ZNF235: variants seen among roughly 807,000 people sequenced by gnomAD.
ZNF235 encodes zfp-93.
Under a neutral mutation model 29.4 loss-of-function variants are expected in ZNF235, and 25 were observed. The ratio of observed to expected loss-of-function variants is 0.85; its 90% CI spans 0.62 to 1.19. ZNF235 has a LOEUF of 1.19. Ranked by LOEUF, ZNF235 falls within the 50% of genes most tolerant of loss-of-function variation. The pLI, the probability that ZNF235 is intolerant of heterozygous loss-of-function variation, is 0.00. For missense variants in ZNF235, 788 were observed against 885.0 expected (o/e 0.89, Z 1.39); for synonymous variants, 300 against 295.3 (o/e 1.02, Z -0.16).
Position 44,286,923 on chromosome 19 carries a change from A to C in ZNF235, c.*295T>G, listed in dbSNP as rs1008273858. 2 of 302,892 alleles carry C rather than the reference A, an allele frequency of 6.6e-6. No individual in the cohort carries two copies. The highest frequency in any genetic ancestry group is 4.3e-5 in the African/African-American group (2 of 46,310). The allele number at this position is 302,892 out of a possible 1,614,324, so 18.8% of individuals were successfully genotyped here. A position where few individuals can be genotyped will look rare whatever the true frequency, so the allele number is the denominator to read the frequency against. The stretch of plus-strand genomic sequence containing the variant: ...AAAGGAAGGCCTCTCTCCTGTGCAG[A>C]CTCCGACAAGACTTTTCTGCTGTGT... On this transcript the variant is annotated 3_prime_UTR_variant, in exon 5 of 5. Coordinates refer to ENST00000291182, the MANE Select transcript of ZNF235 (RefSeq NM_004234.4).
rs1234446267 is a variant in ZNF235 at position 44,288,617 on chromosome 19, T to C, written c.818A>G (p.Asn273Ser). 2.2e-5 allele frequency: 35 copies of C among 1,614,024 alleles called. No homozygotes were observed. The highest frequency in any genetic ancestry group is 2.7e-5 in the Non-Finnish European group (32 of 1,180,008). The change falls in exon 5 of 5, where the codon AAT (asparagine) becomes AGT (serine). Residue 273 changes from asparagine to serine, a missense_variant. Transcript: ENST00000291182. ...ATGAAGTTCAAGACTGGAGCTATCA[T>C]TGAAGGCTTCTTCACATTCATTACC... ...YQGNECEEAF[N>S]DSSSLELHKQ...
Position 44,288,313 on chromosome 19 carries a change from G to T in ZNF235, c.1122C>A (p.Pro374=). ...CCTTCCCACAACTGTCACATCTATA[G>T]GGCTTCTCTCCTGTGTGAATAGGCA... The part of the protein sequence containing the change: ...AHLPIHTGEK[P]YRCDSCGKGF... The change falls in exon 5 of 5, where the codon CCC becomes CCA. Residue 374 remains proline, a synonymous_variant. Coordinates refer to ENST00000291182, the MANE Select transcript of ZNF235 (RefSeq NM_004234.4). The T allele has an allele frequency of 6.2e-7, 1 of 1,613,854 alleles. No homozygotes were observed. The highest frequency in any genetic ancestry group is 8.5e-7 in the Non-Finnish European group (1 of 1,179,974).
At chr19:44,304,662 C>A (rs988479277) in intron 1 of ZNF235, 12 of 944,116 alleles carry the variant, frequency 1.3e-5, no homozygotes, top group Non-Finnish European at 1.4e-5. Flanking sequence ...CCTTTACAGG[C>A]ACGAGGAAAC....
Position 44,287,789 on chromosome 19 carries a change from C to A in ZNF235, c.1646G>T (p.Gly549Val). ...ATTCAAGCTCCAATTGAAGCGCTTC[C>A]CACACACTTCACATTTGTATGGTTT... ...GEKPYKCEVC[G>V]KRFNWSLNLH... Residue 549 changes from glycine (G) to valine (V), a missense_variant, in exon 5 of 5, where the codon GGG (glycine) becomes GTG (valine). Gly to Val is a moderately radical substitution (Grantham distance 109). Coordinates refer to ENST00000291182, the MANE Select transcript of ZNF235 (RefSeq NM_004234.4). The A allele has an allele frequency of 6.2e-7, 1 of 1,613,946 alleles. No homozygotes were observed. The highest frequency in any genetic ancestry group is 8.5e-7 in the Non-Finnish European group (1 of 1,179,980).
At position 44,287,028 on chromosome 19, in the gene ZNF235, T is replaced by C. The variant is rs1020761234; in HGVS notation, c.*190A>G. 5.2e-6 allele frequency: 3 copies of C among 575,556 alleles called. No individual in the cohort carries two copies. In the African/African-American group the frequency reaches 5.6e-5, roughly 11 times the overall value. 35.7% of individuals were successfully genotyped at this position (575,556 alleles called of 1,614,324 possible). On this transcript the variant is annotated 3_prime_UTR_variant, in exon 5 of 5. Transcript: ENST00000291182. ...ACAGAACAAAGTTTTCTCGCATCTG[T>C]GAAATATGACGTTTGTAAAGAATTC...
intron 2 of ZNF235, 112 bp from the exon 3 acceptor site, chr19:44,299,844 G>C: frequency 6.4e-7 from 1 of 1,551,398 alleles, no homozygotes; most frequent in South Asian, 1.2e-5. Context: ...CACCAAAAAT[G>C]CTAGGGGGAA....
chr19:44,294,162 A>G (rs1442097528), intron 4 of ZNF235, among the ~76,000 whole-genome samples: 1 of 152,118 alleles, frequency 6.6e-6, no homozygotes, highest in Non-Finnish European at 1.5e-5. Flanking sequence ...ATAGACTGCC[A>G]GTAAGACTAG....
chr19:44,297,920 A>C lies in ZNF235; in HGVS notation c.238+888T>G, dbSNP rs185327135. Reference sequence around the variant, plus strand: ...GATTGCTTGAGTCCAGGAGTTCAAGAGCAGCCTGGGCAACATGGGGAAACC... The same window carrying C: ...GATTGCTTGAGTCCAGGAGTTCAAGCGCAGCCTGGGCAACATGGGGAAACC... On this transcript the variant is annotated intron_variant, in intron 4 of 4. Transcript: ENST00000291182. 1.1e-3 allele frequency among the ~76,000 whole-genome samples: 174 copies of C among 152,202 alleles called. 1 individual carries two copies. The highest frequency in any genetic ancestry group is 3.8e-3 in the African/African-American group (156 of 41,534).
intron 2 of ZNF235, among the ~76,000 whole-genome samples, chr19:44,303,137 A>G (rs1340716302): frequency 1.4e-5 from 2 of 144,040 alleles, no homozygotes; most frequent in Non-Finnish European, 3.0e-5. Context: ...ATATATTTGT[A>G]TATAAATATA....
In ZNF235 at chr19:44,289,150, T is replaced by C; in HGVS notation, c.285A>G (p.Leu95=). The C allele has an allele frequency of 6.2e-7, 1 of 1,614,014 alleles. No homozygotes were observed. The highest frequency in any genetic ancestry group is 8.5e-7 in the Non-Finnish European group (1 of 1,179,988). Residue 95 remains leucine, a synonymous_variant, in exon 5 of 5, where the codon TTA becomes TTG. Transcript: ENST00000291182. The part of the protein sequence containing the change: ...NEMATLHKAG[L]RCFSLGELSC... ...AAAGCTCTCCCAGTGAAAAGCACCT[T>C]AATCCTGCTTTGTGAAGAGTTGCCA...
At chr19:44,297,101 A>C (rs1262531542) in intron 4 of ZNF235, 1 of 153,278 alleles carries the variant, frequency 6.5e-6, no homozygotes, top group East Asian at 1.9e-4. Flanking sequence ...TACCAAGACC[A>C]AGATGGCTGC....
intron 4 of ZNF235, among the ~76,000 whole-genome samples, chr19:44,297,881 G>T (rs892739563): frequency 3.3e-5 from 5 of 152,168 alleles, no homozygotes; most frequent in Non-Finnish European, 7.4e-5. Flanking sequence ...ATTTTGGGGA[G>T]GCTGAGGTGG....
chr19:44,305,022 C>G lies in ZNF235; in HGVS notation c.-100G>C. The G allele has an allele frequency of 1.2e-6, 1 of 825,200 alleles. No individual in the cohort carries two copies. The highest frequency in any genetic ancestry group is 5.5e-5 in the South Asian group (1 of 18,194). The allele number at this position is 825,200 out of a possible 1,614,324, so 51.1% of individuals were successfully genotyped here. On this transcript the variant is annotated 5_prime_UTR_variant, in exon 1 of 5. Transcript: ENST00000291182. ...CCTCGCCTTCCTGGAGCGGAAGTGC[C>G]TCCGAGTGCCCACGGTTCGTGGACT...
intron 4 of ZNF235, 86 bp downstream of exon 4, chr19:44,298,722 C>T (rs1414924650): frequency 1.9e-6 from 2 of 1,040,066 alleles, no homozygotes; most frequent in African/African-American, 3.2e-5. Context: ...AAAAAAGTCT[C>T]TCAGGTAGCT....
At chr19:44,299,306 G>A (rs937270633) in intron 3 of ZNF235, among the ~76,000 whole-genome samples, 3 of 152,102 alleles carry the variant, frequency 2.0e-5, no homozygotes, top group Non-Finnish European at 4.4e-5. Context: ...AAAGATATAC[G>A]AAATAAGGAA....
chr19:44,289,433 ATCTTGG>A (rs946890783), intron 4 of ZNF235: 28 of 430,556 alleles, frequency 6.5e-5, no homozygotes, highest in South Asian at 5.9e-4. Context: ...GTTAAGGTGT[ATCTTGG>A]GTCTTTTCTG....
intron 4 of ZNF235, among the ~76,000 whole-genome samples, chr19:44,297,856 A>G (rs1358301559): frequency 6.6e-6 from 1 of 152,144 alleles, no homozygotes; most frequent in Non-Finnish European, 1.5e-5. Context: ...AGTGGCTCAC[A>G]TCTATAATCC....
Position 44,299,611 on chromosome 19 carries a change from G to C in ZNF235, c.137C>G (p.Ser46Ter), listed in dbSNP as rs765013136. The change falls in exon 3 of 5, where the codon TCA becomes TGA. Residue 46 changes from serine (S) to a stop codon, truncating the protein, a stop_gained. Coordinates refer to ENST00000291182, the MANE Select transcript of ZNF235 (RefSeq NM_004234.4). LOFTEE classifies it high-confidence loss of function. ...CAGAGGGTGCCTGTCCTTACCCACT[G>C]AAACCAGGTTCCTAAAGTTCTCCAG... ...VMLENFRNLV[S>*]VGHQSFKPDM... The C allele has an allele frequency of 6.2e-7, 1 of 1,613,962 alleles. No homozygotes were observed. Among genetic ancestry groups the C allele is most frequent in the Admixed American group, 1.7e-5 (1 of 59,996 alleles).
intron 1 of ZNF235, 116 bp downstream of exon 1, chr19:44,304,855 C>T (rs1975808350): frequency 3.0e-6 from 3 of 985,392 alleles, no homozygotes; most frequent in Non-Finnish European, 3.6e-6. Context: ...CTCCCAACCC[C>T]GCCCTCCAGC....
Sources: allele counts gnomAD v4.1 joint callset (sites outside exome capture counted in the v4.1 genomes callset), GRCh38; gene constraint gnomAD v4.1.1; transcripts MANE v1.5; gene names NCBI Gene and HGNC (gene_info 2026-07-23, HGNC 2026-07-21).